Variants in SLC22A24 observed in about 807,000 individuals in gnomAD.
SLC22A24 encodes the protein solute carrier family 22 member 24.
SLC22A24 carries 53 observed loss-of-function variants against 49.8 expected under a neutral mutation model. The observed-to-expected ratio is 1.06, with a 90% CI of 0.85 to 1.34. SLC22A24 has a LOEUF of 1.34. SLC22A24 is among the 40% of genes most tolerant of loss of function. The probability of loss-of-function intolerance (pLI) is 0.00; values close to 1 mark genes in which losing one functional copy is unlikely to be tolerated. For missense variants in SLC22A24, 786 were observed against 675.9 expected, an observed-to-expected ratio of 1.16 and a Z score of -1.81; for synonymous variants, 302 against 256.4, an observed-to-expected ratio of 1.18 and a Z score of -1.70.
intron 7 of SLC22A24, 23 bp downstream of exon 7, chr11:63,083,220 C>T: frequency 1.9e-6 from 3 of 1,539,272 alleles, no homozygotes; most frequent in Non-Finnish European, 2.6e-6. Flanking sequence ...TACTTTCTTT[C>T]CTGAAACTCC....
intron 6 of SLC22A24, among the ~76,000 whole-genome samples, chr11:63,091,620 C>T (rs1413833742): frequency 2.6e-5 from 4 of 152,134 alleles, no homozygotes; most frequent in African/African-American, 9.7e-5. Context: ...AAACAATAAA[C>T]ATAATCCATC....
chr11:63,118,004 C>T (rs1487289185), intron 4 of SLC22A24, among the ~76,000 whole-genome samples: 1 of 152,156 alleles, frequency 6.6e-6, no homozygotes, highest in East Asian at 1.9e-4. Context: ...ACAGCTGTGA[C>T]CTCAAAACAT....
Position 63,091,192 on chromosome 11 carries a change from A to G in SLC22A24, c.1070+4799T>C, listed in dbSNP as rs767393881. On this transcript the variant is annotated intron_variant, in intron 6 of 9. Coordinates refer to ENST00000612278, the MANE Select transcript of SLC22A24 (RefSeq NM_001136506.2). ...AATTTCTGGACACACACACCCTCCC[A>G]AGATGAACTTAGGAAGAAGTCAAAT... Among the ~76,000 whole-genome samples the G allele has an allele frequency of 6.3e-4, 96 of 152,304 alleles. 1 individual carries two copies. The Middle Eastern group carries it at 0.014, about 22-fold the overall frequency.
chr11:63,118,756 A>C, intron 4 of SLC22A24, 156 bp downstream of exon 4: 1 of 749,698 alleles, frequency 1.3e-6, no homozygotes, highest in Non-Finnish European at 2.4e-6. Flanking sequence ...GTGTCATCCT[A>C]TTCCATTGTT....
At chr11:63,103,119 T>C (rs2087101223) in intron 5 of SLC22A24, among the ~76,000 whole-genome samples, 2 of 152,188 alleles carry the variant, frequency 1.3e-5, no homozygotes, top group African/African-American at 4.8e-5. Context: ...TTACTTAGCA[T>C]ATCAGAGGGA....
At chr11:63,117,027 TTTAAC>T in intron 4 of SLC22A24, among the ~76,000 whole-genome samples, 2 of 152,320 alleles carry the variant, frequency 1.3e-5, no homozygotes, top group Admixed American at 1.3e-4. Flanking sequence ...CTTGAGCATA[TTTAAC>T]TTAGTTGATT....
chr11:63,114,757 T>G (rs372989049), intron 4 of SLC22A24, among the ~76,000 whole-genome samples: 31 of 152,110 alleles, frequency 2.0e-4, no homozygotes, highest in African/African-American at 7.0e-4. Flanking sequence ...GATATCCTTT[T>G]TGTTGATGGT....
intron 4 of SLC22A24, among the ~76,000 whole-genome samples, chr11:63,113,814 A>T (rs1308214441): frequency 4.0e-5 from 6 of 149,912 alleles, no homozygotes; most frequent in Non-Finnish European, 8.9e-5. Flanking sequence ...AAATTGTGCC[A>T]CTACACTCCA....
At chr11:63,091,182 A>T (rs1202586919) in intron 6 of SLC22A24, among the ~76,000 whole-genome samples, 4 of 152,192 alleles carry the variant, frequency 2.6e-5, no homozygotes, top group Non-Finnish European at 5.9e-5. Context: ...CTGGACACAC[A>T]CACCCTCCCA....
At chr11:63,099,619 TA>T (rs1282446052) in intron 5 of SLC22A24, among the ~76,000 whole-genome samples, 2 of 151,638 alleles carry the variant, frequency 1.3e-5, no homozygotes, top group African/African-American at 2.4e-5. Flanking sequence ...CAGAGACAGA[TA>T]AAAAAGAAAA....
intron 2 of SLC22A24, among the ~76,000 whole-genome samples, chr11:63,122,708 G>A (rs1447575843): frequency 2.6e-5 from 4 of 152,052 alleles, no homozygotes. Context: ...TTTTAGTAGA[G>A]ACGGGGTTTC....
At chr11:63,102,698 A>T (rs946744484) in intron 5 of SLC22A24, among the ~76,000 whole-genome samples, 1 of 152,158 alleles carries the variant, frequency 6.6e-6, no homozygotes, top group Non-Finnish European at 1.5e-5. Flanking sequence ...GTTCTTTTTC[A>T]TGAGAGGGAA....
At chr11:63,124,721 AAC>A (rs2087275990) in intron 2 of SLC22A24, among the ~76,000 whole-genome samples, 1 of 152,170 alleles carries the variant, frequency 6.6e-6, no homozygotes, top group Non-Finnish European at 1.5e-5. Flanking sequence ...TCCCTTATTA[AAC>A]ATTTCAAATT....
At chr11:63,098,167 G>A (rs10897347) in intron 5 of SLC22A24, among the ~76,000 whole-genome samples, 39,578 of 151,956 alleles carry the variant, frequency 0.26, 5,444 homozygotes, top group East Asian at 0.36. Context: ...AGTAACAAGA[G>A]AAACTTTAGA....
At chr11:63,116,281 C>A (rs903267556) in intron 4 of SLC22A24, 2 of 267,132 alleles carry the variant, frequency 7.5e-6, no homozygotes, top group Non-Finnish European at 1.5e-5. Flanking sequence ...TTCTTGATAC[C>A]ATTTCTGTGC....
At chr11:63,105,088 A>T (rs1226685343) in intron 4 of SLC22A24, among the ~76,000 whole-genome samples, 1 of 152,224 alleles carries the variant, frequency 6.6e-6, no homozygotes, top group East Asian at 1.9e-4. Context: ...GCTCCAAATG[A>T]TGTTCCTTGA....
chr11:63,110,267 G>A (rs916154377), intron 4 of SLC22A24, among the ~76,000 whole-genome samples: 2 of 152,140 alleles, frequency 1.3e-5, no homozygotes, highest in Admixed American at 1.3e-4. Context: ...AGTATAGTTT[G>A]AAGTCAGGTA....
chr11:63,104,161 C>T lies in SLC22A24; in HGVS notation c.954+14G>A, dbSNP rs1392872569. On this transcript the variant is annotated intron_variant, in intron 5 of 9. Transcript: ENST00000612278. ...TCATTTAATCACAGCAATCATTTCCCCTTTCCAGATCACCTCAGTGGTCAG... is the reference window on the plus strand; with the variant it reads ...TCATTTAATCACAGCAATCATTTCCTCTTTCCAGATCACCTCAGTGGTCAG... 8 of 1,548,036 alleles carry T rather than the reference C, an allele frequency of 5.2e-6. No homozygotes were observed. Among genetic ancestry groups the T allele is most frequent in the Admixed American group, 3.9e-5 (2 of 50,920 alleles).
intron 6 of SLC22A24, among the ~76,000 whole-genome samples, chr11:63,087,915 G>A (rs1458118429): frequency 6.6e-6 from 1 of 152,188 alleles, no homozygotes; most frequent in African/African-American, 2.4e-5. Context: ...CCAGTAAGAG[G>A]TTTACAGACA....
Sources: allele counts gnomAD v4.1 joint callset (sites outside exome capture counted in the v4.1 genomes callset), GRCh38; gene constraint gnomAD v4.1.1; transcripts MANE v1.5; gene names NCBI Gene and HGNC (gene_info 2026-07-23, HGNC 2026-07-21).